The following RGS17 variants were observed in gnomAD, a reference collection of about 807,000 sequenced individuals.
RGS17 encodes the protein regulator of G protein signaling 17.
Under a neutral mutation model 25.5 loss-of-function variants are expected in RGS17, and 12 were observed. The ratio of observed to expected loss-of-function variants is 0.47; its 90% CI spans 0.30 to 0.76. The LOEUF (loss-of-function observed/expected upper bound fraction) is 0.76. RGS17 is among the 30% of genes least tolerant of loss of function. The probability of loss-of-function intolerance (pLI) is 0.07; values close to 1 mark genes in which losing one functional copy is unlikely to be tolerated. For missense variants in RGS17, 196 were observed against 242.2 expected (o/e 0.81, Z 1.27); for synonymous variants, 71 against 76.9 (o/e 0.92, Z 0.40).
At chr6:153,064,337 A>C (rs973456047) in intron 1 of RGS17, among the ~76,000 whole-genome samples, 1 of 152,230 alleles carries the variant, frequency 6.6e-6, no homozygotes, top group African/African-American at 2.4e-5. Context: ...AAAGTTAAAA[A>C]GTGGGGGGAT....
chr6:153,022,378 T>C (rs550137827), intron 4 of RGS17, among the ~76,000 whole-genome samples: 3 of 151,960 alleles, frequency 2.0e-5, no homozygotes, highest in Non-Finnish European at 4.4e-5. Flanking sequence ...AGGGGCTGTG[T>C]GGATAATAAG....
At chr6:153,041,745 T>C (rs1400189623) in intron 2 of RGS17, among the ~76,000 whole-genome samples, 1 of 152,230 alleles carries the variant, frequency 6.6e-6, no homozygotes, top group Non-Finnish European at 1.5e-5. Flanking sequence ...GGTGATGTTT[T>C]ATACAGAATT....
rs569818256 is a variant in RGS17 at position 153,006,612 on chromosome 6, G to A, written c.*4962C>T. On this transcript the variant is annotated 3_prime_UTR_variant, in exon 5 of 5. Coordinates refer to ENST00000206262, the MANE Select transcript of RGS17 (RefSeq NM_012419.5). The stretch of plus-strand genomic sequence containing the variant: ...TGAGTAGCTAAATCAGATGTTTAAC[G>A]TATGTTTTGGAAAAAAATAGGGGAA... 5 of 152,524 alleles carry A rather than the reference G, an allele frequency of 3.3e-5. No homozygotes were observed. The highest frequency in any genetic ancestry group is 1.3e-4 in the Admixed American group (2 of 15,286). 9.4% of individuals were successfully genotyped at this position (152,524 alleles called of 1,614,324 possible). A position where few individuals can be genotyped will look rare whatever the true frequency, so the allele number is the denominator to read the frequency against.
intron 1 of RGS17, among the ~76,000 whole-genome samples, chr6:153,070,987 G>A (rs2129117145): frequency 6.7e-6 from 1 of 150,036 alleles, no homozygotes; most frequent in East Asian, 2.0e-4. Context: ...ACACACATGT[G>A]TGTATATATG....
At chr6:153,070,788 TAC>T (rs1776782554) in intron 1 of RGS17, among the ~76,000 whole-genome samples, 1 of 151,062 alleles carries the variant, frequency 6.6e-6, no homozygotes, top group Non-Finnish European at 1.5e-5. Context: ...TATACATATA[TAC>T]ACATACATAT....
chr6:153,054,096 A>ATATATATGTG (rs1314926374), intron 1 of RGS17, among the ~76,000 whole-genome samples: 3 of 77,022 alleles, frequency 3.9e-5, no homozygotes, highest in African/African-American at 1.4e-4. Context: ...TATTTTTTAT[A>ATATATATGTG]TATATATATA....
chr6:153,077,799 T>C (rs1198490954), intron 1 of RGS17, among the ~76,000 whole-genome samples: 1 of 152,180 alleles, frequency 6.6e-6, no homozygotes, highest in East Asian at 1.9e-4. Context: ...CTTTTTGTCT[T>C]CCAAGACATA....
intron 1 of RGS17, among the ~76,000 whole-genome samples, chr6:153,117,012 G>A (rs540807822): frequency 1.1e-4 from 16 of 152,178 alleles, no homozygotes; most frequent in South Asian, 1.0e-3. Flanking sequence ...ACCATGGCAC[G>A]TGCATACCTA....
chr6:153,028,640 C>T (rs1002210932), intron 2 of RGS17, among the ~76,000 whole-genome samples: 11 of 152,092 alleles, frequency 7.2e-5, no homozygotes, highest in African/African-American at 2.7e-4. Flanking sequence ...TGTAAAACTT[C>T]CTGTATATAT....
Position 153,130,906 on chromosome 6 carries a change from G to A in RGS17, c.-26+218C>T, listed in dbSNP as rs1249894509. On this transcript the variant is annotated intron_variant, in intron 1 of 4. Transcript: ENST00000206262. This position sits in a 1 kb window ranked among gnomAD's most constrained non-coding sequence, Gnocchi z 6.4. The stretch of plus-strand genomic sequence containing the variant: ...CAGCGACGCGGGATTCAACTTCCCG[G>A]ACCCGCGGCGCGGCCCCCGCTCCCG... 6.6e-6 allele frequency among the ~76,000 whole-genome samples: 1 copy of A among 151,848 alleles called. No homozygotes were observed. The highest frequency in any genetic ancestry group is 2.4e-5 in the African/African-American group (1 of 41,396).
intron 1 of RGS17, among the ~76,000 whole-genome samples, chr6:153,111,534 C>G (rs541282585): frequency 6.6e-6 from 1 of 152,318 alleles, no homozygotes; most frequent in Admixed American, 6.5e-5. Context: ...TTTAAATGTT[C>G]CTGCCTGCCA....
chr6:153,013,373 C>T (rs900175139), intron 4 of RGS17, among the ~76,000 whole-genome samples: 2 of 152,054 alleles, frequency 1.3e-5, no homozygotes, highest in African/African-American at 4.8e-5. Flanking sequence ...TTCCACTGAC[C>T]TGCTATTCCC....
At position 153,054,478 on chromosome 6, in the gene RGS17, C is replaced by T. The variant is rs141454216; in HGVS notation, c.-25-10435G>A. ...CAGCCTGACCATACATGGTGAAACC[C>T]CATCTCTACTAAAAATACAAAAATT... On this transcript the variant is annotated intron_variant, in intron 1 of 4. Coordinates refer to ENST00000206262, the MANE Select transcript of RGS17 (RefSeq NM_012419.5). Among the ~76,000 whole-genome samples, 554 of 151,612 alleles carry T rather than the reference C, an allele frequency of 3.7e-3. 3 individuals are homozygous for T. The highest frequency in any genetic ancestry group is 0.012 in the African/African-American group (497 of 41,356).
At chr6:153,096,367 A>T (rs1440778468) in intron 1 of RGS17, among the ~76,000 whole-genome samples, 1 of 152,174 alleles carries the variant, frequency 6.6e-6, no homozygotes, top group Admixed American at 6.5e-5. Flanking sequence ...TAAGACAATA[A>T]AACCTATCCT....
In RGS17 at chr6:153,097,733, C is replaced by T. The variant is rs148111187; in HGVS notation, c.-26+33391G>A. Among the ~76,000 whole-genome samples the T allele has an allele frequency of 4.3e-3, 648 of 152,086 alleles. 3 individuals carry two copies. Among genetic ancestry groups the T allele is most frequent in the African/African-American group, 0.015 (615 of 41,474 alleles). On this transcript the variant is annotated intron_variant, in intron 1 of 4. Transcript: ENST00000206262. ...AAGGTCAAGAAACTCTAGGAGGGAT[C>T]TCTGAAGTGATTAGAAAGAGGAGGA...
intron 2 of RGS17, among the ~76,000 whole-genome samples, chr6:153,042,354 G>GT (rs1240001966): frequency 6.6e-6 from 1 of 152,174 alleles, no homozygotes; most frequent in Non-Finnish European, 1.5e-5. Flanking sequence ...GCGGTGGCAG[G>GT]TAATTGAATC....
intron 1 of RGS17, among the ~76,000 whole-genome samples, chr6:153,058,887 C>T (rs1383987435): frequency 7.2e-6 from 1 of 138,452 alleles, no homozygotes; most frequent in African/African-American, 2.7e-5. Flanking sequence ...GAAGGGTATA[C>T]TCGTTAGCGC....
intron 2 of RGS17, among the ~76,000 whole-genome samples, chr6:153,038,212 A>G (rs1776276384): frequency 6.6e-6 from 1 of 152,076 alleles, no homozygotes; most frequent in Non-Finnish European, 1.5e-5. Flanking sequence ...CCACCTCTTT[A>G]TCTACAATTT....
Position 153,008,904 on chromosome 6 carries a change from CAG to C in RGS17, c.*2668_*2669del, listed in dbSNP as rs1386792083. 2 of 152,130 alleles carry C rather than the reference CAG, an allele frequency of 1.3e-5. No individual in the cohort carries two copies. The highest frequency in any genetic ancestry group is 2.9e-5 in the Non-Finnish European group (2 of 67,986). 9.4% of individuals were successfully genotyped at this position (152,130 alleles called of 1,614,324 possible). ...GAAAATTAGTAGAGTTGCAAATATA[CAG>C]ACATACTCTTAAATGAGAAACCCTC... is the stretch of plus-strand genomic sequence containing the variant. On this transcript the variant is annotated 3_prime_UTR_variant, in exon 5 of 5. Transcript: ENST00000206262.
Sources: gnomAD v4.1 joint callset for allele counts (sites outside exome capture counted in the v4.1 genomes callset) on GRCh38, gnomAD v4.1.1 for gene constraint, Gnocchi (gnomAD v3.1) non-coding constraint, MANE v1.5 for transcripts, NCBI Gene and HGNC (gene_info 2026-07-23, HGNC 2026-07-21) for gene names.